Variants in MSANTD3 observed in about 807,000 individuals in gnomAD.
MSANTD3 encodes the protein Myb/SANT DNA binding domain containing 3.
Under a neutral mutation model 27.7 loss-of-function variants are expected in MSANTD3, and 11 were observed. The observed-to-expected ratio is 0.40, with a 90% CI of 0.25 to 0.66. The LOEUF is 0.66. MSANTD3 is among the 30% of genes least tolerant of loss of function. The pLI, the probability that MSANTD3 is intolerant of heterozygous loss-of-function variation, is 0.41. For synonymous variants in MSANTD3, 131 were observed against 127.2 expected (o/e 1.03, Z -0.20); for missense variants, 250 against 336.5 (o/e 0.74, Z 2.01).
At chr9:100,437,457 C>T (rs1480941825) in intron 1 of MSANTD3, among the ~76,000 whole-genome samples, 1 of 152,076 alleles carries the variant, frequency 6.6e-6, no homozygotes, top group Non-Finnish European at 1.5e-5. Flanking sequence ...AGTTACTGAG[C>T]CACAGTTTTC....
intron 1 of MSANTD3, among the ~76,000 whole-genome samples, chr9:100,427,959 G>A (rs1330571522): frequency 1.3e-5 from 2 of 152,042 alleles, no homozygotes; most frequent in African/African-American, 2.4e-5. Flanking sequence ...GGGGGGCGTG[G>A]TATAATATCT....
chr9:100,437,605 G>A (rs965474774), intron 1 of MSANTD3, among the ~76,000 whole-genome samples: 4 of 152,162 alleles, frequency 2.6e-5, no homozygotes, highest in Non-Finnish European at 1.5e-5. Flanking sequence ...GAATGCAACC[G>A]CAAGGCCCAG....
At chr9:100,431,244 C>G (rs1345501285) in intron 1 of MSANTD3, among the ~76,000 whole-genome samples, 1 of 151,588 alleles carries the variant, frequency 6.6e-6, no homozygotes, top group Non-Finnish European at 1.5e-5. Context: ...TCAGGTGCTC[C>G]TCCCACCTCG....
At chr9:100,430,399 A>G (rs1836345960) in intron 1 of MSANTD3, among the ~76,000 whole-genome samples, 1 of 151,658 alleles carries the variant, frequency 6.6e-6, no homozygotes, top group Non-Finnish European at 1.5e-5. Context: ...AGCCAAAGGA[A>G]GCCGCGTGTT....
At chr9:100,439,515 T>A (rs10989093) in intron 1 of MSANTD3, among the ~76,000 whole-genome samples, 36,432 of 151,026 alleles carry the variant, frequency 0.24, 4,665 homozygotes, top group African/African-American at 0.33. Context: ...TTTTTTTTTT[T>A]AATTTTTTTT....
At chr9:100,449,652 A>G (rs1836838252) in intron 2 of MSANTD3, among the ~76,000 whole-genome samples, 1 of 152,190 alleles carries the variant, frequency 6.6e-6, no homozygotes, top group South Asian at 2.1e-4. Context: ...GGTAGGACTG[A>G]AGGGTGAACA....
chr9:100,432,361 C>T (rs542920064), intron 1 of MSANTD3, among the ~76,000 whole-genome samples: 2 of 152,264 alleles, frequency 1.3e-5, no homozygotes, highest in African/African-American at 2.4e-5. Flanking sequence ...TGTCCAATTA[C>T]TCTCACCTCT....
intron 2 of MSANTD3, chr9:100,445,074 CA>C (rs1836721195): frequency 4.1e-6 from 3 of 732,724 alleles, no homozygotes; most frequent in Non-Finnish European, 7.1e-6. Context: ...GAAGTGTGTC[CA>C]AAGGTAATCT....
chr9:100,435,937 A>T (rs1836469412), intron 1 of MSANTD3, among the ~76,000 whole-genome samples: 2 of 152,216 alleles, frequency 1.3e-5, no homozygotes, highest in South Asian at 4.1e-4. Flanking sequence ...GTTGGATAGT[A>T]AATGTATGCA....
At chr9:100,434,995 GCA>G (rs1361163413) in intron 1 of MSANTD3, among the ~76,000 whole-genome samples, 6 of 150,360 alleles carry the variant, frequency 4.0e-5, no homozygotes, top group Non-Finnish European at 5.9e-5. Flanking sequence ...ACACACGTGC[GCA>G]CACACACAGT....
chr9:100,427,184 G>T lies in MSANTD3; in HGVS notation c.-243G>T, dbSNP rs1436251186. On this transcript the variant is annotated 5_prime_UTR_variant, in exon 1 of 3. Coordinates refer to ENST00000395067, the MANE Select transcript of MSANTD3 (RefSeq NM_080655.3). The stretch of plus-strand genomic sequence containing the variant: ...GACCGGCAGGCGGCGGGCGGTCCGC[G>T]AGGGGGCGGCGGCGTCCGGGCTTTG... The T allele has an allele frequency of 6.8e-6, 1 of 146,526 alleles. No individual in the cohort carries two copies. The highest frequency in any genetic ancestry group is 1.5e-5 in the Non-Finnish European group (1 of 65,984). The allele number at this position is 146,526 out of a possible 1,614,324, so 9.1% of individuals were successfully genotyped here.
Position 100,442,313 on chromosome 9 carries a change from C to G in MSANTD3, c.375C>G (p.Pro125=), listed in dbSNP as rs576884754. The change falls in exon 2 of 3, where the codon CCC becomes CCG. Residue 125 remains proline (P), a synonymous_variant. Transcript: ENST00000395067. The part of the protein sequence containing the change: ...LPEQLYFLQS[P]PEEEPEYHPD... The stretch of plus-strand genomic sequence containing the variant: ...AGCAGCTCTACTTCCTGCAGAGCCC[C>G]CCGGAGGAGGAGCCCGAATACCACC... 1.9e-6 allele frequency: 3 copies of G among 1,613,914 alleles called. No homozygotes were observed. The highest frequency in any genetic ancestry group is 2.5e-6 in the Non-Finnish European group (3 of 1,180,000).
chr9:100,438,305 C>T (rs73655544), intron 1 of MSANTD3, among the ~76,000 whole-genome samples: 21,497 of 151,988 alleles, frequency 0.14, 1,735 homozygotes, highest in Middle Eastern at 0.2. Flanking sequence ...GTAATTGGTG[C>T]AACATTTTAC....
chr9:100,440,241 C>T (rs73655547), intron 1 of MSANTD3, among the ~76,000 whole-genome samples: 21,647 of 152,032 alleles, frequency 0.14, 1,772 homozygotes, highest in Middle Eastern at 0.21. Flanking sequence ...GGCAAGAGGC[C>T]GAGAAACAGC....
At chr9:100,448,207 AAAAAAAAG>A (rs1836802404) in intron 2 of MSANTD3, 1 of 981,530 alleles carries the variant, frequency 1.0e-6, no homozygotes. Flanking sequence ...AAAAAAAAAA[AAAAAAAAG>A]AAGAAGAAGA....
At chr9:100,438,790 A>G (rs1836538926) in intron 1 of MSANTD3, among the ~76,000 whole-genome samples, 1 of 152,236 alleles carries the variant, frequency 6.6e-6, no homozygotes, top group South Asian at 2.1e-4. Flanking sequence ...TTTGGGGAAC[A>G]TTGATTCATA....
intron 1 of MSANTD3, chr9:100,429,717 T>G (rs190530073): frequency 3.7e-4 from 54 of 144,522 alleles, no homozygotes; most frequent in African/African-American, 7.3e-4. Context: ...GTTTTTTTTT[T>G]GGGGGGGGAC....
intron 1 of MSANTD3, among the ~76,000 whole-genome samples, chr9:100,431,537 A>G (rs1229877349): frequency 7.2e-6 from 1 of 139,262 alleles, no homozygotes; most frequent in East Asian, 2.0e-4. Flanking sequence ...TTCTGGCATC[A>G]AGCAGTACTC....
At chr9:100,437,360 A>G (rs1587786344) in intron 1 of MSANTD3, among the ~76,000 whole-genome samples, 3 of 152,346 alleles carry the variant, frequency 2.0e-5, no homozygotes, top group East Asian at 3.9e-4. Context: ...GGCTATCACT[A>G]GGTCTGAAAC....
Sources: allele counts gnomAD v4.1 joint callset (sites outside exome capture counted in the v4.1 genomes callset), GRCh38; gene constraint gnomAD v4.1.1; transcripts MANE v1.5; gene names NCBI Gene and HGNC (gene_info 2026-07-23, HGNC 2026-07-21).